The following PSMD14 variants were observed in gnomAD, a reference collection of about 807,000 sequenced individuals.
PSMD14 encodes the protein proteasome 26S subunit, non-ATPase 14, also known as ubiquitin C-terminal hydrolase PSMD14.
A neutral mutation model predicts 41.2 loss-of-function variants in PSMD14; 7 were observed. The ratio of observed to expected loss-of-function variants is 0.17; its 90% CI spans 0.10 to 0.32. The LOEUF is 0.32. PSMD14 is among the 10% of genes least tolerant of loss of function. The probability of loss-of-function intolerance (pLI) is 1.00; values close to 1 mark genes in which losing one functional copy is unlikely to be tolerated. For missense variants in PSMD14, 139 were observed against 375.6 expected, an observed-to-expected ratio of 0.37 and a Z score of 5.21; for synonymous variants, 114 against 122.3, an observed-to-expected ratio of 0.93 and a Z score of 0.45.
At chr2:161,314,245 A>G (rs964213522) in intron 1 of PSMD14, among the ~76,000 whole-genome samples, 4 of 152,238 alleles carry the variant, frequency 2.6e-5, no homozygotes, top group Non-Finnish European at 5.9e-5. Context: ...AAAATACGTG[A>G]CACATCTCTT....
At chr2:161,341,761 C>T (rs1231669704) in intron 3 of PSMD14, among the ~76,000 whole-genome samples, 3 of 150,784 alleles carry the variant, frequency 2.0e-5, no homozygotes, top group African/African-American at 4.9e-5. Flanking sequence ...ATCGCTTGAA[C>T]CCGGGAGGCA....
intron 8 of PSMD14, among the ~76,000 whole-genome samples, chr2:161,390,841 TCTGA>T (rs1426193440): frequency 6.6e-6 from 1 of 152,148 alleles, no homozygotes; most frequent in Non-Finnish European, 1.5e-5. Flanking sequence ...AAACCTTATC[TCTGA>T]CTGAGCAAGG....
At chr2:161,369,787 T>G (rs1466368607) in intron 5 of PSMD14, among the ~76,000 whole-genome samples, 1 of 152,082 alleles carries the variant, frequency 6.6e-6, no homozygotes, top group Non-Finnish European at 1.5e-5. Flanking sequence ...CATTAGGAAG[T>G]ATGCTTGCCT....
chr2:161,312,337 TTTTGCCATG>T (rs1262696401), intron 1 of PSMD14, among the ~76,000 whole-genome samples: 3 of 151,986 alleles, frequency 2.0e-5, no homozygotes, highest in African/African-American at 7.3e-5. Flanking sequence ...AGAGACGGGG[TTTTGCCATG>T]TTGGCCAGGC....
rs753587907 is a variant in PSMD14, at chr2:161,408,824, G to A, written c.772-13G>A. The A allele has an allele frequency of 6.3e-7, 1 of 1,589,258 alleles. No individual in the cohort carries two copies. The highest frequency in any genetic ancestry group is 8.6e-7 in the Non-Finnish European group (1 of 1,160,254). On this transcript the variant is annotated splice_polypyrimidine_tract_variant and intron_variant, in intron 10 of 11. Transcript: ENST00000409682. ...TATAATTTTAAACTCTGTCCTTTGTGTTTCATTCACAGGCTGTAGAAGAAG... is the reference window on the plus strand; with the variant it reads ...TATAATTTTAAACTCTGTCCTTTGTATTTCATTCACAGGCTGTAGAAGAAG...
At chr2:161,339,496 ATT>A (rs202216505) in intron 3 of PSMD14, among the ~76,000 whole-genome samples, 2,335 of 105,568 alleles carry the variant, frequency 0.022, 29 homozygotes, top group Non-Finnish European at 0.025. Context: ...TTGTTAATGA[ATT>A]TTTTTTTTTT....
At chr2:161,345,521 A>G (rs1267634466) in intron 3 of PSMD14, among the ~76,000 whole-genome samples, 5 of 151,978 alleles carry the variant, frequency 3.3e-5, no homozygotes, top group Non-Finnish European at 7.4e-5. Context: ...TCTGCCTCCC[A>G]AAGTGCTGGG....
Position 161,308,585 on chromosome 2 carries a change from C to A in PSMD14, c.-157C>A, listed in dbSNP as rs966138380. 1 of 152,336 alleles carries A rather than the reference C, an allele frequency of 6.6e-6. No individual in the cohort carries two copies. Among genetic ancestry groups the A allele is most frequent in the African/African-American group, 2.4e-5 (1 of 41,458 alleles). The allele number at this position is 152,336 out of a possible 1,614,324, so 9.4% of individuals were successfully genotyped here. A position where few individuals can be genotyped will look rare whatever the true frequency, so the allele number is the denominator to read the frequency against. On this transcript the variant is annotated 5_prime_UTR_variant, in exon 1 of 12. Coordinates refer to ENST00000409682, the MANE Select transcript of PSMD14 (RefSeq NM_005805.6). The stretch of plus-strand genomic sequence containing the variant: ...AGACAAGGGTCCATATCGCGGCATC[C>A]GGCTCCCGCCCGTCTTCAGGTAAGA...
intron 3 of PSMD14, among the ~76,000 whole-genome samples, chr2:161,357,937 A>T (rs1324230077): frequency 2.7e-5 from 4 of 150,568 alleles, no homozygotes; most frequent in Non-Finnish European, 4.4e-5. Context: ...AACAGTTGTT[A>T]TAAGGTCAAC....
At chr2:161,340,899 T>A in intron 3 of PSMD14, 1 of 1,613,880 alleles carries the variant, frequency 6.2e-7, no homozygotes, top group Non-Finnish European at 8.5e-7. Context: ...CCCGGGGCTG[T>A]ATTTGAAGGA....
chr2:161,355,755 A>G (rs1683187482), intron 3 of PSMD14, among the ~76,000 whole-genome samples: 2 of 152,334 alleles, frequency 1.3e-5, no homozygotes, highest in South Asian at 2.1e-4. Flanking sequence ...GGATTCTTGT[A>G]TAGACATTAT....
At position 161,408,910 on chromosome 2, in the gene PSMD14, C is replaced by T. The variant is rs1020494184; in HGVS notation, c.834+11C>T. ...AATGTTGGCAAGCAGGTGAGGTGTA[C>T]TGTTAATAAGTTATGCAGTTGCATA... On this transcript the variant is annotated intron_variant, in intron 11 of 11. Coordinates refer to ENST00000409682, the MANE Select transcript of PSMD14 (RefSeq NM_005805.6). 6.3e-7 allele frequency: 1 copy of T among 1,587,248 alleles called. No homozygotes were observed. The highest frequency in any genetic ancestry group is 8.6e-7 in the Non-Finnish European group (1 of 1,158,528).
chr2:161,321,698 A>G (rs1474729705), intron 3 of PSMD14, among the ~76,000 whole-genome samples: 9 of 152,216 alleles, frequency 5.9e-5, no homozygotes, highest in Admixed American at 5.2e-4. Flanking sequence ...AGAACAACTG[A>G]CAAAACTCAA....
At chr2:161,335,060 C>A (rs540756217) in intron 3 of PSMD14, among the ~76,000 whole-genome samples, 62 of 152,278 alleles carry the variant, frequency 4.1e-4, no homozygotes, top group African/African-American at 1.4e-3. Flanking sequence ...AACTTCTGAG[C>A]CTTTTATGCT....
chr2:161,343,841 AAT>A (rs1199526644), intron 3 of PSMD14, among the ~76,000 whole-genome samples: 9 of 129,592 alleles, frequency 6.9e-5, no homozygotes, highest in South Asian at 2.6e-4. Context: ...AAAAAAAAAA[AAT>A]GTCTTTGAGT....
At chr2:161,387,586 A>C (rs1343822776) in intron 8 of PSMD14, among the ~76,000 whole-genome samples, 1 of 152,028 alleles carries the variant, frequency 6.6e-6, no homozygotes, top group Non-Finnish European at 1.5e-5. Flanking sequence ...GCTATTTAAT[A>C]ACTTGGGGAA....
chr2:161,365,031 A>G (rs1184904943), intron 3 of PSMD14, among the ~76,000 whole-genome samples: 1 of 152,152 alleles, frequency 6.6e-6, no homozygotes, highest in Non-Finnish European at 1.5e-5. Context: ...GCTGGAACCC[A>G]GGAGGCAGTG....
In PSMD14 at chr2:161,398,228, G is replaced by T. The variant is rs1683827446; in HGVS notation, c.771+3025G>T. On this transcript the variant is annotated intron_variant, in intron 10 of 11. Transcript: ENST00000409682. Reference sequence around the variant, plus strand: ...TCTGTGATTGAAAGAAATACGGTGGGTTTTTTTAGTAACACTTAAAATATA... The same window carrying T: ...TCTGTGATTGAAAGAAATACGGTGGTTTTTTTTAGTAACACTTAAAATATA... 2.0e-5 allele frequency among the ~76,000 whole-genome samples: 3 copies of T among 151,966 alleles called. No individual in the cohort carries two copies. The South Asian group carries it at 6.2e-4, about 32-fold the overall frequency.
chr2:161,385,627 A>G (rs1367246103), intron 8 of PSMD14, 56 bp downstream of exon 8: 9 of 1,047,066 alleles, frequency 8.6e-6, no homozygotes, highest in Admixed American at 6.4e-5. Flanking sequence ...AAAGCCTGCT[A>G]TAAGTAGTCT....
Sources: gnomAD v4.1 joint callset for allele counts (sites outside exome capture counted in the v4.1 genomes callset) on GRCh38, gnomAD v4.1.1 for gene constraint, MANE v1.5 for transcripts, NCBI Gene and HGNC (gene_info 2026-07-23, HGNC 2026-07-21) for gene names.